LRMDA: variants seen among roughly 807,000 people sequenced by gnomAD.
The protein encoded by LRMDA is leucine rich melanocyte differentiation associated, also known as leucine-rich melanocyte differentiation-associated protein.
LRMDA carries 18 observed loss-of-function variants against 29.8 expected under a neutral mutation model. The ratio of observed to expected loss-of-function variants is 0.60; its 90% CI spans 0.42 to 0.90. LRMDA has a LOEUF of 0.90. LRMDA is among the 40% of genes least tolerant of loss of function. The pLI, the probability that LRMDA is intolerant of heterozygous loss-of-function variation, is 0.00. For missense variants in LRMDA, 273 were observed against 273.9 expected (o/e 1.00, Z 0.02); for synonymous variants, 125 against 109.4 (o/e 1.14, Z -0.89).
intron 2 of LRMDA, among the ~76,000 whole-genome samples, chr10:75,704,831 T>C (rs1366983613): frequency 1.3e-5 from 2 of 152,124 alleles, no homozygotes; most frequent in African/African-American, 2.4e-5. Flanking sequence ...TGTTTTCCCA[T>C]CTGTAAACTG....
chr10:76,445,830 T>G (rs562200406), intron 6 of LRMDA, among the ~76,000 whole-genome samples: 2 of 152,178 alleles, frequency 1.3e-5, no homozygotes, highest in Non-Finnish European at 1.5e-5. Context: ...TTTTTAAAAA[T>G]TAAGAAGTAA....
At chr10:76,477,759 C>T (rs1454116927) in intron 6 of LRMDA, among the ~76,000 whole-genome samples, 2 of 152,132 alleles carry the variant, frequency 1.3e-5, no homozygotes, top group African/African-American at 4.8e-5. Flanking sequence ...ACATGTACAA[C>T]TCTCTGATCT....
At chr10:75,991,067 T>C (rs1379216720) in intron 2 of LRMDA, among the ~76,000 whole-genome samples, 2 of 152,146 alleles carry the variant, frequency 1.3e-5, no homozygotes, top group Non-Finnish European at 2.9e-5. Context: ...AGACTTAGAA[T>C]TGTAATAAAT....
At chr10:76,276,463 C>T (rs1840136520) in intron 5 of LRMDA, among the ~76,000 whole-genome samples, 1 of 152,066 alleles carries the variant, frequency 6.6e-6, no homozygotes, top group Non-Finnish European at 1.5e-5. Context: ...TTTTTTGTTT[C>T]ACATGCTGCA....
chr10:76,394,034 T>G (rs1490707521), intron 6 of LRMDA, among the ~76,000 whole-genome samples: 1 of 152,174 alleles, frequency 6.6e-6, no homozygotes, highest in African/African-American at 2.4e-5. Context: ...TTTATGGCTT[T>G]CAAATATTGT....
rs1200025028 is a variant in LRMDA, at chr10:76,036,129, A to G, written c.253A>G (p.Asn85Asp). Residue 85 changes from asparagine (N) to aspartate (D), a missense_variant, in exon 3 of 7, where the codon AAC (asparagine) becomes GAC (aspartate). By Grantham distance (23) the Asn-to-Asp change is conservative. Coordinates refer to ENST00000611255, the MANE Select transcript of LRMDA (RefSeq NM_001305581.2). ...PRLHTLTLNK[N>D]RITDLENLLD... is the part of the protein sequence containing the mutation. ...ACTGCATACCTTAACCCTCAACAAG[A>G]ACCGAATATCCTTTCCTCTGCCCGC... 1.9e-6 allele frequency: 3 copies of G among 1,613,362 alleles called. No individual in the cohort carries two copies. Among genetic ancestry groups the G allele is most frequent in the Non-Finnish European group, 2.5e-6 (3 of 1,179,948 alleles).
chr10:76,016,053 C>A (rs1194520876), intron 2 of LRMDA, among the ~76,000 whole-genome samples: 1 of 152,120 alleles, frequency 6.6e-6, no homozygotes, highest in African/African-American at 2.4e-5. Flanking sequence ...CTATTGTTAT[C>A]TTGAGTTACT....
At chr10:76,007,015 TGTGTGTGTGTGTGTGTGC>T (rs1337800202) in intron 2 of LRMDA, among the ~76,000 whole-genome samples, 1,164 of 116,198 alleles carry the variant, frequency 0.01, 17 homozygotes, top group African/African-American at 0.011. Context: ...TGTGTGTGTG[TGTGTGTGTGTGTGTGTGC>T]GCGTGTGTGT....
intron 2 of LRMDA, among the ~76,000 whole-genome samples, chr10:75,803,851 G>C (rs1344639879): frequency 3.9e-5 from 6 of 152,134 alleles, no homozygotes; most frequent in Non-Finnish European, 8.8e-5. Context: ...TCTCTTTTCT[G>C]TCTGAGTGGG....
At chr10:75,741,886 G>A (rs1008123177) in intron 2 of LRMDA, among the ~76,000 whole-genome samples, 2 of 152,126 alleles carry the variant, frequency 1.3e-5, no homozygotes, top group African/African-American at 2.4e-5. Context: ...GGGTGATTAG[G>A]TCATAAGGGT....
In LRMDA at chr10:76,486,081, A is replaced by G. The variant is rs558839344; in HGVS notation, c.602-71128A>G. 9.2e-5 allele frequency among the ~76,000 whole-genome samples: 14 copies of G among 152,042 alleles called. No homozygotes were observed. In the South Asian group the frequency reaches 2.7e-3, roughly 29 times the overall value. ...TACTCCAGAGTTTTTGGTTACAGAT[A>G]TGGAGGAAATAGAGTGACATATGCT... On this transcript the variant is annotated intron_variant, in intron 6 of 6. Transcript: ENST00000611255.
At chr10:76,509,854 G>A (rs967495565) in intron 6 of LRMDA, among the ~76,000 whole-genome samples, 7 of 152,086 alleles carry the variant, frequency 4.6e-5, no homozygotes, top group Non-Finnish European at 7.4e-5. Context: ...ATTGGGTTGG[G>A]GGAAGGGATT....
intron 2 of LRMDA, among the ~76,000 whole-genome samples, chr10:75,671,449 T>G (rs1029969690): frequency 6.6e-6 from 1 of 152,092 alleles, no homozygotes; most frequent in Non-Finnish European, 1.5e-5. Flanking sequence ...AACACACCTA[T>G]GCAGCCATAA....
chr10:75,933,184 A>C (rs1159234514), intron 2 of LRMDA, among the ~76,000 whole-genome samples: 1 of 152,244 alleles, frequency 6.6e-6, no homozygotes, highest in East Asian at 1.9e-4. Context: ...ATCCTGACTC[A>C]TCACCTTCAA....
At chr10:76,357,574 C>G (rs1841257561) in intron 6 of LRMDA, among the ~76,000 whole-genome samples, 1 of 152,162 alleles carries the variant, frequency 6.6e-6, no homozygotes, top group Non-Finnish European at 1.5e-5. Context: ...GCAAGGCACT[C>G]TATATTGTTT....
chr10:76,263,598 C>T (rs1020609236), intron 5 of LRMDA, among the ~76,000 whole-genome samples: 3 of 152,126 alleles, frequency 2.0e-5, no homozygotes, highest in Non-Finnish European at 2.9e-5. Flanking sequence ...ACTGTAAGCC[C>T]AGGCAGGGAT....
At chr10:76,395,849 C>T (rs546931879) in intron 6 of LRMDA, among the ~76,000 whole-genome samples, 7 of 152,172 alleles carry the variant, frequency 4.6e-5, no homozygotes, top group African/African-American at 7.2e-5. Context: ...TGTGAAAACA[C>T]GATGAATTGA....
chr10:75,436,471 A>G (rs900021460), intron 1 of LRMDA, among the ~76,000 whole-genome samples: 86 of 143,768 alleles, frequency 6.0e-4, no homozygotes, highest in Middle Eastern at 7.4e-3. Context: ...AAGCTGCTGA[A>G]TTTTTTTTTT....
chr10:76,141,990 C>T (rs111244378), intron 5 of LRMDA, among the ~76,000 whole-genome samples: 1,596 of 152,114 alleles, frequency 0.01, 33 homozygotes, highest in African/African-American at 0.037. Flanking sequence ...AGATTCTACT[C>T]TTGACTCATA....
Sources: gnomAD v4.1 joint callset for allele counts (sites outside exome capture counted in the v4.1 genomes callset) on GRCh38, gnomAD v4.1.1 for gene constraint, MANE v1.5 for transcripts, NCBI Gene and HGNC (gene_info 2026-07-23, HGNC 2026-07-21) for gene names.